GPC4: variants seen among roughly 807,000 people sequenced by gnomAD.
GPC4 encodes the protein glypican 4.
In GPC4, 10 loss-of-function variants were observed where a neutral mutation model predicts 35.0. That is an observed-to-expected ratio of 0.29 (90% CI 0.18 to 0.48). The LOEUF (loss-of-function observed/expected upper bound fraction) is 0.48, where lower values mean the gene tolerates loss of function less well. Among genes scored for constraint, GPC4 ranks in the 20% least tolerant of loss-of-function variants. GPC4 has a pLI of 0.99. For synonymous variants in GPC4, 167 were observed against 170.2 expected, an observed-to-expected ratio of 0.98 and a Z score of 0.15; for missense variants, 322 against 451.3, an observed-to-expected ratio of 0.71 and a Z score of 2.60.
At chrX:133,322,835 C>T (rs1008943716) in intron 3 of GPC4, among the ~76,000 whole-genome samples, 6 of 112,182 alleles carry the variant, frequency 5.3e-5, no homozygotes, top group African/African-American at 1.9e-4. Flanking sequence ...ATTTGGCTTT[C>T]CCTTTGAGGG....
At chrX:133,409,836 G>A (rs1390949502) in intron 1 of GPC4, among the ~76,000 whole-genome samples, 1 of 111,469 alleles carries the variant, frequency 9.0e-6, no homozygotes, top group Non-Finnish European at 1.9e-5. Context: ...GATAGAACAG[G>A]GATTTAGGAG....
chrX:133,383,834 A>T (rs1414615224), intron 1 of GPC4, among the ~76,000 whole-genome samples: 2 of 111,777 alleles, frequency 1.8e-5, no homozygotes, highest in East Asian at 5.6e-4. Context: ...GGGGCAAAGC[A>T]AGACTATCTC....
chrX:133,311,246 C>A lies in GPC4; in HGVS notation c.877+12G>T. 1 of 1,207,012 alleles carries A rather than the reference C, an allele frequency of 8.3e-7. No homozygotes were observed. The highest frequency in any genetic ancestry group is 1.1e-6 in the Non-Finnish European group (1 of 892,257). On this transcript the variant is annotated intron_variant, in intron 4 of 8. Transcript: ENST00000370828. ...ATCTCCAGCAACACAAATATGTTAA[C>A]CACTTGCTCACCTATGAAATTGTTC...
chrX:133,359,204 A>G (rs2068555332), intron 1 of GPC4, among the ~76,000 whole-genome samples: 1 of 111,724 alleles, frequency 9.0e-6, no homozygotes, highest in Non-Finnish European at 1.9e-5. Flanking sequence ...TTTTTGCTAT[A>G]TTAGAGTAAG....
chrX:133,414,766 T>A (rs747865210), intron 1 of GPC4, 40 bp downstream of exon 1: 20 of 1,190,961 alleles, frequency 1.7e-5, no homozygotes, highest in Non-Finnish European at 2.0e-5. Context: ...CTTCCCGAAG[T>A]GTCGGTCTCT....
chrX:133,401,171 C>T (rs906915388), intron 1 of GPC4, among the ~76,000 whole-genome samples: 3 of 111,427 alleles, frequency 2.7e-5, no homozygotes, highest in Admixed American at 9.6e-5. Context: ...GAGAAGACCT[C>T]GTGGGCTGGC....
At position 133,303,168 on chromosome X, in the gene GPC4, A is replaced by G. The variant is rs1204571044; in HGVS notation, c.1466T>C (p.Ile489Thr). The change falls in exon 8 of 9, where the codon ATC (isoleucine) becomes ACC (threonine). Residue 489 changes from isoleucine (I) to threonine (T), a missense_variant and splice_region_variant. This residue lies in a region of GPC4 where 99 missense variants were observed against 110.0 expected (regional missense o/e 0.90). Coordinates refer to ENST00000370828, the MANE Select transcript of GPC4 (RefSeq NM_001448.3). ...ACTTTCAAACCACAAATGCTTACTG[A>G]TATCAAAGAAGTCCACGTCGTTCCC... Reference protein sequence around the residue: ...YNGNDVDFFDISDESSGEGSG... With the variant: ...YNGNDVDFFDTSDESSGEGSG... The G allele has an allele frequency of 1.7e-6, 2 of 1,209,508 alleles. No homozygotes were observed. The highest frequency in any genetic ancestry group is 2.3e-4 in the Middle Eastern group (1 of 4,371).
At position 133,301,843 on chromosome X, in the gene GPC4, C is replaced by T. The variant is rs1400251683; in HGVS notation, c.*1024G>A. 1 of 111,872 alleles carries T rather than the reference C, an allele frequency of 8.9e-6. No individual in the cohort carries two copies. The highest frequency in any genetic ancestry group is 2.8e-4 in the East Asian group (1 of 3,564). The allele number at this position is 111,872 out of a possible 1,213,427, so 9.2% of individuals were successfully genotyped here. On this transcript the variant is annotated 3_prime_UTR_variant, in exon 9 of 9. Coordinates refer to ENST00000370828, the MANE Select transcript of GPC4 (RefSeq NM_001448.3). ...GCTATTCCCTGAGCCCAGGCTGTAC[C>T]CCAGTTCTGGCTAGCTCTCAGACAG...
At chrX:133,366,935 G>A (rs1256420222) in intron 1 of GPC4, among the ~76,000 whole-genome samples, 1 of 111,344 alleles carries the variant, frequency 9.0e-6, no homozygotes, top group African/African-American at 3.3e-5. Flanking sequence ...GTTGTATAGG[G>A]TGTAACCTTT....
At chrX:133,324,662 G>T (rs765390267) in intron 2 of GPC4, 126 bp from the exon 3 acceptor site, 1 of 618,178 alleles carries the variant, frequency 1.6e-6, no homozygotes, top group African/African-American at 2.3e-5. Context: ...AAACGTGTTT[G>T]TATATAGGGT....
At chrX:133,304,614 T>C in intron 7 of GPC4, 111 bp downstream of exon 7, 1 of 890,095 alleles carries the variant, frequency 1.1e-6, no homozygotes, top group East Asian at 3.1e-5. Flanking sequence ...TGTTGCTACC[T>C]ACTGTGAATT....
At chrX:133,362,572 G>A (rs1189339122) in intron 1 of GPC4, among the ~76,000 whole-genome samples, 1 of 111,439 alleles carries the variant, frequency 9.0e-6, no homozygotes, top group South Asian at 3.8e-4. Context: ...CATTTCTTTA[G>A]AACAATGCCT....
At chrX:133,387,742 T>C (rs1023274444) in intron 1 of GPC4, among the ~76,000 whole-genome samples, 4 of 111,774 alleles carry the variant, frequency 3.6e-5, no homozygotes, top group Non-Finnish European at 7.5e-5. Context: ...ATAATCATAC[T>C]TCGAAATGTT....
At chrX:133,377,434 T>C (rs2068638862) in intron 1 of GPC4, among the ~76,000 whole-genome samples, 1 of 112,289 alleles carries the variant, frequency 8.9e-6, no homozygotes. Flanking sequence ...CATTGTCCTA[T>C]AGTGCTCATT....
chrX:133,394,037 A>G (rs979795731), intron 1 of GPC4, among the ~76,000 whole-genome samples: 3 of 111,258 alleles, frequency 2.7e-5, no homozygotes, highest in African/African-American at 9.8e-5. Flanking sequence ...TAGGGAGGCC[A>G]AGGTGGGCAG....
chrX:133,414,330 C>G (rs952669066), intron 1 of GPC4: 1 of 229,712 alleles, frequency 4.4e-6, no homozygotes, highest in East Asian at 2.5e-4. Flanking sequence ...CTAGCAAGCT[C>G]CGGGACGTTT....
At chrX:133,391,346 CT>C (rs1290697733) in intron 1 of GPC4, among the ~76,000 whole-genome samples, 1 of 111,890 alleles carries the variant, frequency 8.9e-6, no homozygotes, top group African/African-American at 3.2e-5. Context: ...ATGTGGGCTG[CT>C]TTTTGCTCCT....
At chrX:133,401,098 G>A (rs1179667361) in intron 1 of GPC4, among the ~76,000 whole-genome samples, 2 of 111,244 alleles carry the variant, frequency 1.8e-5, no homozygotes, top group African/African-American at 3.3e-5. Flanking sequence ...GTGCTTGAAG[G>A]AAAACAGAGA....
At chrX:133,352,863 C>A (rs1451378775) in intron 1 of GPC4, among the ~76,000 whole-genome samples, 1 of 111,490 alleles carries the variant, frequency 9.0e-6, no homozygotes, top group East Asian at 2.8e-4. Flanking sequence ...GGGCTGCCAT[C>A]CAGCCACCCG....
Sources: gnomAD v4.1 joint callset for allele counts (sites outside exome capture counted in the v4.1 genomes callset) on GRCh38, gnomAD v4.1.1 for gene constraint, gnomAD v4.1.1 regional missense constraint, MANE v1.5 for transcripts, NCBI Gene and HGNC (gene_info 2026-07-23, HGNC 2026-07-21) for gene names.